WDFY3: variants seen among roughly 807,000 people sequenced by gnomAD.
WDFY3 encodes the protein WD repeat and FYVE domain containing 3, also known as WD repeat and FYVE domain-containing protein 3.
A neutral mutation model predicts 409.6 loss-of-function variants in WDFY3; 66 were observed. The ratio of observed to expected loss-of-function variants is 0.16; its 90% CI spans 0.13 to 0.20. WDFY3 has a LOEUF of 0.20. WDFY3 is among the 10% of genes least tolerant of loss of function. WDFY3 has a pLI of 1.00. For missense variants in WDFY3, 3,031 were observed against 4,298.1 expected, an observed-to-expected ratio of 0.71 and a Z score of 8.24; for synonymous variants, 1,521 against 1,537.1, an observed-to-expected ratio of 0.99 and a Z score of 0.25.
In WDFY3 at chr4:84,702,456, G is replaced by T; in HGVS notation, c.8493C>A (p.Ala2831=). The T allele has an allele frequency of 6.2e-7, 1 of 1,613,844 alleles. No individual in the cohort carries two copies. The highest frequency in any genetic ancestry group is 1.1e-5 in the South Asian group (1 of 91,048). ...TATTGTGCTTTGACGCTGAATACCAGGCCTCGCGCACACTGTGAAACATCC... is the reference window on the plus strand; with the variant it reads ...TATTGTGCTTTGACGCTGAATACCATGCCTCGCGCACACTGTGAAACATCC... ...ADRMFHSVRE[A]WYSASKHNMA... The change falls in exon 56 of 68, where the codon GCC becomes GCA. Residue 2831 remains alanine (A), a synonymous_variant. Coordinates refer to ENST00000295888, the MANE Select transcript of WDFY3 (RefSeq NM_014991.6).
chr4:84,722,105 C>G (rs549612584), intron 46 of WDFY3, among the ~76,000 whole-genome samples: 1 of 152,170 alleles, frequency 6.6e-6, no homozygotes, highest in South Asian at 2.1e-4. Flanking sequence ...AACATGATTA[C>G]GACTGGGTGC....
intron 3 of WDFY3, among the ~76,000 whole-genome samples, chr4:84,885,330 A>ATGTGTGTGTGTGTGTGTGTG (rs70943380): frequency 6.9e-6 from 1 of 145,552 alleles, no homozygotes; most frequent in Non-Finnish European, 1.5e-5. Context: ...ACATATACAT[A>ATGTGTGTGTGTGTGTGTGTG]TGTGTGTGTG....
At chr4:84,772,704 G>A (rs772199219) in intron 30 of WDFY3, 131 bp downstream of exon 30, 147 of 730,380 alleles carry the variant, frequency 2.0e-4, no homozygotes, top group Non-Finnish European at 2.7e-4. Context: ...GGCCAAAAAC[G>A]TAATGTAAGG....
Position 84,705,419 on chromosome 4 carries a change from C to G in WDFY3, c.8310G>C (p.Arg2770=). The change falls in exon 54 of 68, where the codon CGG becomes CGC. Residue 2770 remains arginine (R), a synonymous_variant. Transcript: ENST00000295888. ...TDERLAQYKK[R]YKDWEDPNGE... is the part of the protein sequence containing the mutation. ...CATTAGGATCCTCCCAGTCTTTATA[C>G]CGCTTCTTATACTGAGCTAATCGTT... is the stretch of plus-strand genomic sequence containing the variant. 6.2e-7 allele frequency: 1 copy of G among 1,613,942 alleles called. No homozygotes were observed. The highest frequency in any genetic ancestry group is 2.2e-5 in the East Asian group (1 of 44,860).
intron 13 of WDFY3, among the ~76,000 whole-genome samples, chr4:84,816,224 C>T (rs1176824905): frequency 6.6e-6 from 1 of 152,106 alleles, no homozygotes; most frequent in Non-Finnish European, 1.5e-5. Flanking sequence ...TAATGGACTT[C>T]TTTCACTTTA....
At chr4:84,724,742 T>A (rs1735391122) in intron 45 of WDFY3, 148 bp from the exon 46 acceptor site, 1 of 743,060 alleles carries the variant, frequency 1.3e-6, no homozygotes, top group Admixed American at 4.0e-5. Flanking sequence ...ATCCACACTT[T>A]TGGGTTAAGT....
chr4:84,705,142 G>A (rs1257447889), intron 54 of WDFY3, among the ~76,000 whole-genome samples: 1 of 152,146 alleles, frequency 6.6e-6, no homozygotes, highest in Non-Finnish European at 1.5e-5. Context: ...TCTGCCCTAT[G>A]CAAAGCAGGA....
At position 84,741,877 on chromosome 4, in the gene WDFY3, C is replaced by A; in HGVS notation, c.6118G>T (p.Val2040Leu). The A allele has an allele frequency of 6.2e-7, 1 of 1,610,746 alleles. No homozygotes were observed. The highest frequency in any genetic ancestry group is 8.5e-7 in the Non-Finnish European group (1 of 1,177,528). Residue 2040 changes from valine (V) to leucine (L), a missense_variant, in exon 38 of 68, where the codon GTA becomes TTA. Physicochemically the swap from Val to Leu is conservative, Grantham distance 32. Transcript: ENST00000295888. ...LPITSGGSYQ[V>L]LVNNVFYFTQ... Reference sequence around the variant, plus strand: ...AAATAAAACACATTGTTCACCAATACCTGGTAGCTTCCTCCACTGGTAATA... The same window carrying A: ...AAATAAAACACATTGTTCACCAATAACTGGTAGCTTCCTCCACTGGTAATA...
rs184838814 is a variant in WDFY3, at chr4:84,886,918, C to G, written c.-32+9993G>C. Among the ~76,000 whole-genome samples, 784 of 152,278 alleles carry G rather than the reference C, an allele frequency of 5.1e-3. 5 individuals are homozygous for G. The highest frequency in any genetic ancestry group is 8.2e-3 in the Admixed American group (125 of 15,282). ...GGAGTCATCACAACTTTGGCATAATCTCTCAGTCTTCTTATGAATATATGA... is the reference window on the plus strand; with the variant it reads ...GGAGTCATCACAACTTTGGCATAATGTCTCAGTCTTCTTATGAATATATGA... On this transcript the variant is annotated intron_variant, in intron 3 of 67. Coordinates refer to ENST00000295888, the MANE Select transcript of WDFY3 (RefSeq NM_014991.6).
At position 84,713,101 on chromosome 4, in the gene WDFY3, A is replaced by G. The variant is rs1424430430; in HGVS notation, c.8042+58T>C. On this transcript the variant is annotated intron_variant, in intron 51 of 67. Transcript: ENST00000295888. ...TAAAATGTTAAATAATACTGTCCAG[A>G]TATGAATCATCCCAACTTCACTATT... 1.9e-6 allele frequency: 3 copies of G among 1,562,502 alleles called. No individual in the cohort carries two copies. The African/African-American group carries it at 4.1e-5, about 21-fold the overall frequency.
chr4:84,910,707 T>G (rs1400468349), intron 2 of WDFY3, among the ~76,000 whole-genome samples: 1 of 152,076 alleles, frequency 6.6e-6, no homozygotes, highest in Non-Finnish European at 1.5e-5. Context: ...CTCAATGTTT[T>G]TTGTTGGTTT....
chr4:84,718,057 C>CAA (rs35076143), intron 48 of WDFY3, among the ~76,000 whole-genome samples: 37 of 61,352 alleles, frequency 6.0e-4, no homozygotes, highest in African/African-American at 1.0e-3. Flanking sequence ...GACACTGTCT[C>CAA]AAAAAAAAAA....
intron 1 of WDFY3, among the ~76,000 whole-genome samples, chr4:84,946,034 G>C (rs1561135172): frequency 6.6e-6 from 1 of 152,088 alleles, no homozygotes; most frequent in Non-Finnish European, 1.5e-5. Flanking sequence ...AAAGAACTTG[G>C]GGGAATCTCA....
intron 10 of WDFY3, among the ~76,000 whole-genome samples, chr4:84,822,688 G>A (rs1001563837): frequency 9.9e-5 from 15 of 152,010 alleles, no homozygotes; most frequent in African/African-American, 2.9e-4. Flanking sequence ...CTTCAGCCTG[G>A]GCGACAGAAA....
chr4:84,782,411 A>G (rs1746691581), intron 25 of WDFY3, among the ~76,000 whole-genome samples: 1 of 151,990 alleles, frequency 6.6e-6, no homozygotes, highest in African/African-American at 2.4e-5. Context: ...GGATACATGC[A>G]CAGAACGTGC....
intron 36 of WDFY3, among the ~76,000 whole-genome samples, chr4:84,748,853 T>C (rs1025024042): frequency 2.5e-4 from 38 of 151,926 alleles, no homozygotes; most frequent in Non-Finnish European, 1.8e-4. Flanking sequence ...TTCACAAAGG[T>C]AAATGGTAAA....
intron 48 of WDFY3, among the ~76,000 whole-genome samples, chr4:84,717,302 A>G (rs186480177): frequency 6.6e-6 from 1 of 152,326 alleles, no homozygotes; most frequent in Non-Finnish European, 1.5e-5. Context: ...TTGGGGCCCA[A>G]GAAAATGTCT....
intron 1 of WDFY3, among the ~76,000 whole-genome samples, chr4:84,935,466 T>C (rs1358830235): frequency 6.6e-6 from 1 of 152,198 alleles, no homozygotes; most frequent in Non-Finnish European, 1.5e-5. Flanking sequence ...TGATGCTGAG[T>C]ATTTCTTCAT....
chr4:84,693,895 C>CAAA (rs35165784), intron 58 of WDFY3, among the ~76,000 whole-genome samples: 1 of 80,024 alleles, frequency 1.2e-5, no homozygotes, highest in African/African-American at 3.6e-5. Flanking sequence ...GACTCCGTCT[C>CAAA]AAAAAAAAAA....
Sources: gnomAD v4.1 joint callset for allele counts (sites outside exome capture counted in the v4.1 genomes callset) on GRCh38, gnomAD v4.1.1 for gene constraint, MANE v1.5 for transcripts, NCBI Gene and HGNC (gene_info 2026-07-23, HGNC 2026-07-21) for gene names.